The following UBE3C variants were observed in gnomAD, a reference collection of about 807,000 sequenced individuals.
UBE3C encodes ubiquitin protein ligase E3C, also known as ubiquitin-protein ligase E3C.
UBE3C carries 42 observed loss-of-function variants against 129.4 expected under a neutral mutation model. The observed-to-expected ratio is 0.32, with a 90% CI of 0.25 to 0.42. The LOEUF (loss-of-function observed/expected upper bound fraction) is 0.42, where lower values mean the gene tolerates loss of function less well. Among genes scored for constraint, UBE3C ranks in the 10% least tolerant of loss-of-function variants. The pLI is 1.00. For missense variants in UBE3C, 1,049 were observed against 1,319.1 expected (o/e 0.80, Z 3.17); for synonymous variants, 510 against 492.4 (o/e 1.04, Z -0.47).
At chr7:157,155,284 A>G (rs1035412808) in intron 1 of UBE3C, among the ~76,000 whole-genome samples, 1 of 152,232 alleles carries the variant, frequency 6.6e-6, no homozygotes, top group African/African-American at 2.4e-5. Flanking sequence ...TGAAGTGTAT[A>G]AAATGGCTAG....
intron 22 of UBE3C, among the ~76,000 whole-genome samples, chr7:157,257,521 A>AG (rs1258864170): frequency 2.0e-5 from 3 of 151,906 alleles, no homozygotes; most frequent in Non-Finnish European, 4.4e-5. Context: ...GATCATTTGA[A>AG]GTCAGGAGTT....
intron 1 of UBE3C, among the ~76,000 whole-genome samples, chr7:157,146,674 T>C (rs1807614614): frequency 6.6e-6 from 1 of 150,970 alleles, no homozygotes; most frequent in East Asian, 2.0e-4. Context: ...TTTTTTTAAT[T>C]TGAGAGGGAG....
intron 1 of UBE3C, among the ~76,000 whole-genome samples, chr7:157,154,832 T>C (rs929656109): frequency 2.0e-5 from 3 of 152,204 alleles, no homozygotes; most frequent in Admixed American, 2.0e-4. Flanking sequence ...TTTTTAAAAA[T>C]GAGCTCTTGT....
chr7:157,203,909 C>T (rs1586686081), intron 11 of UBE3C, among the ~76,000 whole-genome samples: 1 of 152,332 alleles, frequency 6.6e-6, no homozygotes, highest in South Asian at 2.1e-4. Context: ...TGAGGCCTCA[C>T]AGCTTAGCCT....
At chr7:157,245,133 A>G (rs957873459) in intron 18 of UBE3C, among the ~76,000 whole-genome samples, 5 of 152,226 alleles carry the variant, frequency 3.3e-5, no homozygotes, top group African/African-American at 4.8e-5. Flanking sequence ...TGTATATTAA[A>G]TGCTCTGAAG....
At chr7:157,236,425 T>C (rs549375003) in intron 18 of UBE3C, among the ~76,000 whole-genome samples, 10 of 152,354 alleles carry the variant, frequency 6.6e-5, no homozygotes, top group African/African-American at 2.4e-4. Flanking sequence ...CTTGGTTATA[T>C]ATTTGAAAAT....
chr7:157,150,008 TG>T (rs1287418936), intron 1 of UBE3C, among the ~76,000 whole-genome samples: 9 of 152,206 alleles, frequency 5.9e-5, no homozygotes, highest in African/African-American at 2.2e-4. Flanking sequence ...AATTACAGGC[TG>T]TAATACCTGC....
intron 1 of UBE3C, among the ~76,000 whole-genome samples, chr7:157,159,523 T>C (rs1808010505): frequency 6.6e-6 from 1 of 152,144 alleles, no homozygotes. Flanking sequence ...AAAATGGCAT[T>C]TTGGTTAGGA....
chr7:157,253,282 G>C (rs1181132779), intron 19 of UBE3C, among the ~76,000 whole-genome samples: 1 of 152,204 alleles, frequency 6.6e-6, no homozygotes, highest in Non-Finnish European at 1.5e-5. Context: ...TAAGACCCAG[G>C]TCTGTGTTTC....
intron 13 of UBE3C, among the ~76,000 whole-genome samples, chr7:157,210,516 T>G (rs1171710796): frequency 6.6e-6 from 1 of 152,264 alleles, no homozygotes; most frequent in Non-Finnish European, 1.5e-5. Flanking sequence ...TTGCATATAT[T>G]CATTTAATAC....
rs139639074 is a variant in UBE3C at position 157,264,516 on chromosome 7, TACAC to T, written c.3082-3054_3082-3051del. On this transcript the variant is annotated intron_variant, in intron 22 of 22. Transcript: ENST00000348165. ...GTGTGCGCCAACATGCTCGGCCTGT[TACAC>T]ACACACACACACACCTGGTATTACA... Among the ~76,000 whole-genome samples, 157 of 120,288 alleles carry T rather than the reference TACAC, an allele frequency of 1.3e-3. 2 individuals are homozygous for T. The highest frequency in any genetic ancestry group is 3.2e-3 in the African/African-American group (97 of 30,458). The allele number at this position is 120,288 out of a possible 152,430, so 78.9% of individuals were successfully genotyped here.
chr7:157,182,182 T>C lies in UBE3C; in HGVS notation c.845T>C (p.Ile282Thr). ...PFTDQIFHFI[I>T]PALADAQTVF... ...ACAGATCAGATTTTTCATTTCATCA[T>C]TCCGGCGCTTGCAGATGCGCAGACC... Residue 282 changes from isoleucine to threonine, a missense_variant, in exon 8 of 23, where the codon ATT becomes ACT. This residue lies in a region of UBE3C where 489 missense variants were observed against 513.8 expected (regional missense o/e 0.95). Coordinates refer to ENST00000348165, the MANE Select transcript of UBE3C (RefSeq NM_014671.3). 6.2e-7 allele frequency: 1 copy of C among 1,613,906 alleles called. No individual in the cohort carries two copies. The highest frequency in any genetic ancestry group is 8.5e-7 in the Non-Finnish European group (1 of 1,179,962).
intron 1 of UBE3C, among the ~76,000 whole-genome samples, chr7:157,144,179 T>A (rs1352420463): frequency 2.6e-5 from 4 of 152,158 alleles, no homozygotes; most frequent in Non-Finnish European, 5.9e-5. Context: ...ACGCCTACAA[T>A]CTGCCACACC....
At chr7:157,142,788 G>A (rs145829186) in intron 1 of UBE3C, among the ~76,000 whole-genome samples, 14 of 152,110 alleles carry the variant, frequency 9.2e-5, no homozygotes, top group African/African-American at 2.4e-4. Context: ...CCAAACCTCC[G>A]CGTCCTGCAG....
chr7:157,178,049 G>A (rs1808569547), intron 5 of UBE3C, among the ~76,000 whole-genome samples: 1 of 152,064 alleles, frequency 6.6e-6, no homozygotes, highest in Non-Finnish European at 1.5e-5. Context: ...AAGGATTGGG[G>A]TGGGGGGAAA....
intron 10 of UBE3C, among the ~76,000 whole-genome samples, chr7:157,190,514 G>A (rs1808927376): frequency 6.6e-6 from 1 of 152,092 alleles, no homozygotes; most frequent in African/African-American, 2.4e-5. Context: ...ATGTGGCCAG[G>A]GGCTACCTTA....
chr7:157,162,786 G>A (rs916138904), intron 1 of UBE3C, among the ~76,000 whole-genome samples: 4 of 152,090 alleles, frequency 2.6e-5, no homozygotes, highest in Admixed American at 1.3e-4. Context: ...CCAAAGTGCA[G>A]GGATTACAGG....
intron 1 of UBE3C, among the ~76,000 whole-genome samples, chr7:157,148,044 T>TA (rs1203400128): frequency 6.6e-6 from 1 of 152,166 alleles, no homozygotes; most frequent in Non-Finnish European, 1.5e-5. Context: ...ATACTGGCCT[T>TA]ATGGAATGAG....
chr7:157,222,982 C>A, intron 15 of UBE3C: 1 of 333,406 alleles, frequency 3.0e-6, no homozygotes, highest in South Asian at 3.3e-5. Context: ...TAGCTGTGCA[C>A]TTGAGACGTG....
Sources: allele counts gnomAD v4.1 joint callset (sites outside exome capture counted in the v4.1 genomes callset), GRCh38; gene constraint gnomAD v4.1.1; regional missense constraint gnomAD v4.1.1; transcripts MANE v1.5; gene names NCBI Gene and HGNC (gene_info 2026-07-23, HGNC 2026-07-21).